Variants in ASTN2 observed in about 807,000 individuals in gnomAD.
ASTN2 encodes astrotactin 2, also known as astrotactin-2.
ASTN2 carries 54 observed loss-of-function variants against 139.8 expected under a neutral mutation model. The ratio of observed to expected loss-of-function variants is 0.39; its 90% CI spans 0.31 to 0.48. ASTN2 has a LOEUF of 0.48. Among genes scored for constraint, ASTN2 ranks in the 20% least tolerant of loss-of-function variants. The pLI, the probability that ASTN2 is intolerant of heterozygous loss-of-function variation, is 0.95. For missense variants in ASTN2, 1,565 were observed against 1,725.1 expected (o/e 0.91, Z 1.64); for synonymous variants, 756 against 719.5 (o/e 1.05, Z -0.81).
At chr9:117,028,645 T>C (rs906255958) in intron 6 of ASTN2, among the ~76,000 whole-genome samples, 7 of 152,170 alleles carry the variant, frequency 4.6e-5, no homozygotes, top group Non-Finnish European at 7.4e-5. Context: ...CAAGCTTGGA[T>C]GTGATCCTTC....
chr9:116,647,024 T>C (rs1343361902), intron 17 of ASTN2, among the ~76,000 whole-genome samples: 1 of 152,174 alleles, frequency 6.6e-6, no homozygotes, highest in Non-Finnish European at 1.5e-5. Flanking sequence ...ACCAGCAATG[T>C]TCTCATTCTC....
At chr9:116,931,077 A>G (rs1021994217) in intron 10 of ASTN2, among the ~76,000 whole-genome samples, 1 of 151,958 alleles carries the variant, frequency 6.6e-6, no homozygotes, top group Non-Finnish European at 1.5e-5. Context: ...CAGCTCTCCA[A>G]CATGCCACGT....
intron 13 of ASTN2, among the ~76,000 whole-genome samples, chr9:116,735,305 C>T (rs1373685991): frequency 2.0e-5 from 3 of 152,158 alleles, no homozygotes; most frequent in Admixed American, 6.5e-5. Context: ...TCTTTGTCTA[C>T]AAATCTGGGA....
intron 5 of ASTN2, among the ~76,000 whole-genome samples, chr9:117,068,780 T>C (rs1828024410): frequency 7.5e-6 from 1 of 134,148 alleles, no homozygotes; most frequent in Non-Finnish European, 1.7e-5. Flanking sequence ...TTCTAGATTT[T>C]CTAGTTTATT....
intron 1 of ASTN2, among the ~76,000 whole-genome samples, chr9:117,339,468 C>T (rs758992687): frequency 1.3e-5 from 2 of 152,094 alleles, no homozygotes; most frequent in Non-Finnish European, 2.9e-5. Context: ...TGCCACACCT[C>T]CAATGTCATC....
At position 117,230,807 on chromosome 9, in the gene ASTN2, A is replaced by T. The variant is rs1588113255; in HGVS notation, c.631-16065T>A. Among the ~76,000 whole-genome samples, 5 of 152,306 alleles carry T rather than the reference A, an allele frequency of 3.3e-5. 1 individual carries two copies. The South Asian group carries it at 1.0e-3, about 32-fold the overall frequency. On this transcript the variant is annotated intron_variant, in intron 2 of 22. Coordinates refer to ENST00000313400, the MANE Select transcript of ASTN2 (RefSeq NM_001365068.1). ...TGCATCATGGAAAGGTAGCATCATC[A>T]GCAATGACGAAAGATTCCACAGAGA...
chr9:117,246,044 T>C (rs1369568134), intron 2 of ASTN2, among the ~76,000 whole-genome samples: 2 of 152,158 alleles, frequency 1.3e-5, no homozygotes, highest in East Asian at 3.9e-4. Flanking sequence ...ATGCGTGGCA[T>C]AGTGCATGGC....
intron 2 of ASTN2, among the ~76,000 whole-genome samples, chr9:117,250,307 C>T (rs1833503421): frequency 6.6e-6 from 1 of 152,180 alleles, no homozygotes; most frequent in Admixed American, 6.5e-5. Flanking sequence ...CCCTGCCCTC[C>T]TACTTCACAA....
intron 6 of ASTN2, among the ~76,000 whole-genome samples, chr9:117,013,822 A>T (rs1837601110): frequency 6.6e-6 from 1 of 152,070 alleles, no homozygotes; most frequent in Admixed American, 6.6e-5. Context: ...ACCAGACAAA[A>T]TTGCCTGGAG....
chr9:117,083,944 G>A (rs560425022), intron 5 of ASTN2, among the ~76,000 whole-genome samples: 3 of 151,594 alleles, frequency 2.0e-5, no homozygotes, highest in South Asian at 4.2e-4. Flanking sequence ...TAGTTAGCTG[G>A]CTTTCTTTCT....
At chr9:117,371,741 G>T (rs747988877) in intron 1 of ASTN2, among the ~76,000 whole-genome samples, 3 of 152,094 alleles carry the variant, frequency 2.0e-5, no homozygotes, top group Non-Finnish European at 2.9e-5. Flanking sequence ...TTATTGCTAG[G>T]TGTCAAAGCA....
chr9:117,247,783 G>T (rs1479168122), intron 2 of ASTN2, among the ~76,000 whole-genome samples: 1 of 152,186 alleles, frequency 6.6e-6, no homozygotes, highest in Non-Finnish European at 1.5e-5. Flanking sequence ...AGAGGGAGAA[G>T]GCTGTGTCAG....
At chr9:117,355,943 G>A (rs534149376) in intron 1 of ASTN2, among the ~76,000 whole-genome samples, 68 of 152,274 alleles carry the variant, frequency 4.5e-4, no homozygotes, top group African/African-American at 1.6e-3. Context: ...GAGAAGGGGA[G>A]CAGCCTACAC....
intron 2 of ASTN2, among the ~76,000 whole-genome samples, chr9:117,269,215 C>T (rs1049693136): frequency 6.6e-6 from 1 of 152,146 alleles, no homozygotes; most frequent in East Asian, 1.9e-4. Context: ...CGCTAGACCA[C>T]GGAGTGTGGC....
chr9:116,960,835 T>A (rs1017158044), intron 10 of ASTN2, among the ~76,000 whole-genome samples: 6 of 152,182 alleles, frequency 3.9e-5, no homozygotes, highest in African/African-American at 1.4e-4. Flanking sequence ...TCCTTCTAGA[T>A]GCCATGTTTA....
intron 10 of ASTN2, among the ~76,000 whole-genome samples, chr9:116,911,460 C>T (rs1564337065): frequency 6.6e-6 from 1 of 152,096 alleles, no homozygotes; most frequent in Non-Finnish European, 1.5e-5. Context: ...ATTATAGTAT[C>T]TTGGATTGGA....
chr9:116,656,928 C>G (rs888886794), intron 16 of ASTN2, among the ~76,000 whole-genome samples: 25 of 152,170 alleles, frequency 1.6e-4, no homozygotes, highest in African/African-American at 6.0e-4. Context: ...GCACTTGAAG[C>G]ATTTAAAAGC....
At chr9:117,094,297 G>A (rs544466698) in intron 5 of ASTN2, among the ~76,000 whole-genome samples, 20 of 152,154 alleles carry the variant, frequency 1.3e-4, no homozygotes, top group Admixed American at 5.2e-4. Flanking sequence ...AGAAAGAAAG[G>A]AGTTGCTGGG....
intron 1 of ASTN2, among the ~76,000 whole-genome samples, chr9:117,294,809 T>A (rs972517038): frequency 2.0e-5 from 3 of 152,150 alleles, no homozygotes; most frequent in Non-Finnish European, 2.9e-5. Context: ...CAAGGCAGAC[T>A]CCCACTTGTC....
Sources: gnomAD v4.1 joint callset for allele counts (sites outside exome capture counted in the v4.1 genomes callset) on GRCh38, gnomAD v4.1.1 for gene constraint, MANE v1.5 for transcripts, NCBI Gene and HGNC (gene_info 2026-07-23, HGNC 2026-07-21) for gene names.